The following PPT1 variants were observed in gnomAD, a reference collection of about 807,000 sequenced individuals.
PPT1 encodes the protein palmitoyl-protein thioesterase 1, also known as ceroid-palmitoyl-palmitoyl-protein thioesterase 1.
PPT1 carries 24 observed loss-of-function variants against 44.0 expected under a neutral mutation model. The ratio of observed to expected loss-of-function variants is 0.54; its 90% CI spans 0.39 to 0.77. The LOEUF is 0.77. PPT1 is among the 30% of genes least tolerant of loss of function. The pLI is 0.00. For synonymous variants in PPT1, 148 were observed against 140.2 expected, an observed-to-expected ratio of 1.06 and a Z score of -0.39; for missense variants, 341 against 378.8, an observed-to-expected ratio of 0.90 and a Z score of 0.83.
At chr1:40,078,735 G>A (rs1648765355) in intron 6 of PPT1, 77 bp from the exon 7 acceptor site, 2 of 1,245,544 alleles carry the variant, frequency 1.6e-6, no homozygotes, top group South Asian at 1.2e-5. Context: ...CCTGTTTTCT[G>A]GTCTCCCTGA....
chr1:40,074,613 G>A (rs950684557), intron 8 of PPT1, among the ~76,000 whole-genome samples: 1 of 151,790 alleles, frequency 6.6e-6, no homozygotes, highest in East Asian at 2.0e-4. Flanking sequence ...AATTACAGGC[G>A]CATGCCACCA....
intron 5 of PPT1, among the ~76,000 whole-genome samples, chr1:40,088,878 T>C (rs1649401398): frequency 6.6e-6 from 1 of 152,230 alleles, no homozygotes; most frequent in Non-Finnish European, 1.5e-5. Flanking sequence ...TCTGTTATAA[T>C]TACATTCTTC....
rs774831480 is a variant in PPT1 at position 40,089,413 on chromosome 1, T to C, written c.533A>G (p.Glu178Gly). The change falls in exon 5 of 9, where the codon GAA becomes GGA. Residue 178 changes from glutamate to glycine, a missense_variant. By Grantham distance (98) the Glu-to-Gly change is moderately conservative (BLOSUM62 -2). Transcript: ENST00000642050. ...NAGAYSKVVQ[E>G]RLVQAEYWHD... ...CTTTTCAGCTAACCATACATACCGT[T>C]CCTGAACAACTTTGGAGTACGCCCC... 6.2e-7 allele frequency: 1 copy of C among 1,613,358 alleles called. No individual in the cohort carries two copies. The highest frequency in any genetic ancestry group is 8.5e-7 in the Non-Finnish European group (1 of 1,179,282).
chr1:40,087,265 C>T (rs1053008778), intron 5 of PPT1, among the ~76,000 whole-genome samples: 3 of 151,918 alleles, frequency 2.0e-5, no homozygotes, highest in East Asian at 1.9e-4. Context: ...TTTTTTGAGA[C>T]AGAGTCTCAC....
rs1051189156 is a variant in PPT1 at position 40,076,625 on chromosome 1, A to G, written c.798+217T>C. The G allele has an allele frequency of 4.0e-5, 55 of 1,384,322 alleles. 3 individuals carry two copies. The South Asian group carries it at 4.9e-4, about 12-fold the overall frequency. 85.8% of individuals were successfully genotyped at this position (1,384,322 alleles called of 1,614,324 possible). On this transcript the variant is annotated intron_variant, in intron 8 of 8. Transcript: ENST00000642050. ...TGTTTGGAAACCATAAGGTTTCAGG[A>G]TGTAGTGGATTTTTGTAACCCAGTG...
intron 7 of PPT1, among the ~76,000 whole-genome samples, 170 bp downstream of exon 7, chr1:40,078,390 T>C (rs1297984000): frequency 1.3e-5 from 2 of 152,182 alleles, no homozygotes; most frequent in Admixed American, 6.5e-5. Flanking sequence ...TGAGTAGCGA[T>C]GGGGTTTCAC....
At chr1:40,081,501 C>T (rs1648936326) in intron 5 of PPT1, among the ~76,000 whole-genome samples, 1 of 151,908 alleles carries the variant, frequency 6.6e-6, no homozygotes, top group South Asian at 2.1e-4. Context: ...CACGCCATTG[C>T]ACTCCAGCCT....
At chr1:40,087,552 A>G (rs1402513844) in intron 5 of PPT1, among the ~76,000 whole-genome samples, 1 of 151,972 alleles carries the variant, frequency 6.6e-6, no homozygotes, top group Non-Finnish European at 1.5e-5. Context: ...CTTAATCAGT[A>G]TTTAGGTGTC....
rs1183518846 is a variant in PPT1, at chr1:40,073,864, T to C, written c.*197A>G. On this transcript the variant is annotated 3_prime_UTR_variant, in exon 9 of 9. Transcript: ENST00000642050. ...AATCTCCATGGTAATTAAACTTGCATTCAACACCATATGGTAACAGAAGAT... is the reference window on the plus strand; with the variant it reads ...AATCTCCATGGTAATTAAACTTGCACTCAACACCATATGGTAACAGAAGAT... 1.3e-6 allele frequency: 1 copy of C among 758,516 alleles called. No homozygotes were observed. Among genetic ancestry groups the C allele is most frequent in the Non-Finnish European group, 2.2e-6 (1 of 460,388 alleles). 47.0% of individuals were successfully genotyped at this position (758,516 alleles called of 1,614,324 possible).
intron 5 of PPT1, among the ~76,000 whole-genome samples, chr1:40,086,751 A>T (rs1028091090): frequency 6.6e-6 from 1 of 151,038 alleles, no homozygotes; most frequent in African/African-American, 2.4e-5. Context: ...TGTGGGTGGC[A>T]GGGGAAGCTG....
At chr1:40,084,202 CAGG>C (rs1649132977) in intron 5 of PPT1, among the ~76,000 whole-genome samples, 1 of 152,226 alleles carries the variant, frequency 6.6e-6, no homozygotes, top group African/African-American at 2.4e-5. Flanking sequence ...GTGGAAATAG[CAGG>C]AGAACTAGAA....
chr1:40,092,324 G>A (rs1369089072), intron 2 of PPT1, 74 bp downstream of exon 2: 2 of 1,526,722 alleles, frequency 1.3e-6, no homozygotes, highest in Non-Finnish European at 9.1e-7. Flanking sequence ...AAAACACAAG[G>A]CAAAGCATTT....
downstream of PPT1, chr1:40,072,238 G>T: frequency 2.1e-4 from 67 of 323,002 alleles, no homozygotes; most frequent in South Asian, 3.8e-4. Flanking sequence ...TTCCTATAGA[G>T]ATGACTTTAA....
At chr1:40,090,429 G>A (rs1195686911) in intron 4 of PPT1, among the ~76,000 whole-genome samples, 1 of 100,900 alleles carries the variant, frequency 9.9e-6, no homozygotes, top group Non-Finnish European at 2.4e-5. Context: ...TGTGTATATA[G>A]GTGCATATGT....
intron 5 of PPT1, among the ~76,000 whole-genome samples, chr1:40,083,404 G>A (rs1159911051): frequency 6.6e-6 from 1 of 152,166 alleles, no homozygotes; most frequent in Non-Finnish European, 1.5e-5. Context: ...GCAGTGAGCT[G>A]TGATCACACC....
At chr1:40,091,951 T>C in intron 3 of PPT1, 94 bp downstream of exon 3, 1 of 1,470,048 alleles carries the variant, frequency 6.8e-7, no homozygotes, top group Non-Finnish European at 9.4e-7. Flanking sequence ...CCAAGATAGG[T>C]GACAATCTTG....
chr1:40,080,931 GAAGAC>G (rs1648905345), intron 5 of PPT1, among the ~76,000 whole-genome samples: 1 of 152,150 alleles, frequency 6.6e-6, no homozygotes, highest in Admixed American at 6.5e-5. Flanking sequence ...CTTTAATACA[GAAGAC>G]AAGACTTGCA....
rs575133524 is a variant in PPT1 at position 40,077,829 on chromosome 1, T to C, written c.726+731A>G. On this transcript the variant is annotated intron_variant, in intron 7 of 8. Coordinates refer to ENST00000642050, the MANE Select transcript of PPT1 (RefSeq NM_000310.4). ...AGGCATACGAGAGAAAAAGCACAAG[T>C]AGTACAATATGGCTTGATCAAGAGT... Among the ~76,000 whole-genome samples, 74 of 151,980 alleles carry C rather than the reference T, an allele frequency of 4.9e-4. 1 individual carries two copies. The South Asian group carries it at 8.1e-3, about 17-fold the overall frequency.
At chr1:40,092,222 C>G (rs1399346951) in intron 2 of PPT1, 50 bp from the exon 3 acceptor site, 1 of 1,611,290 alleles carries the variant, frequency 6.2e-7, no homozygotes, top group African/African-American at 1.3e-5. Context: ...AAAACAACCA[C>G]TGACATCTTC....
Sources: gnomAD v4.1 joint callset for allele counts (sites outside exome capture counted in the v4.1 genomes callset) on GRCh38, gnomAD v4.1.1 for gene constraint, MANE v1.5 for transcripts, NCBI Gene and HGNC (gene_info 2026-07-23, HGNC 2026-07-21) for gene names.